The following C20orf203 variants were observed in gnomAD, a reference collection of about 807,000 sequenced individuals.
C20orf203 encodes the protein chromosome 20 open reading frame 203.
In C20orf203, 16 loss-of-function variants were observed where a neutral mutation model predicts 15.9. The observed-to-expected ratio is 1.01, with a 90% CI of 0.68 to 1.53. The LOEUF (loss-of-function observed/expected upper bound fraction) is 1.53, where lower values mean the gene tolerates loss of function less well. Among genes scored for constraint, C20orf203 ranks in the 40% most tolerant of loss-of-function variants. The pLI, the probability that C20orf203 is intolerant of heterozygous loss-of-function variation, is 0.00. For synonymous variants in C20orf203, 98 were observed against 97.2 expected (o/e 1.01, Z -0.05); for missense variants, 263 against 247.5 (o/e 1.06, Z -0.42).
At chr20:32,670,275 C>G (rs1412107424) in intron 1 of C20orf203, among the ~76,000 whole-genome samples, 2 of 151,248 alleles carry the variant, frequency 1.3e-5, no homozygotes, top group Non-Finnish European at 2.9e-5. Flanking sequence ...GAGCCTGAGG[C>G]GGGCGGATCA....
chr20:32,672,331 T>G (rs1251800900), intron 1 of C20orf203, among the ~76,000 whole-genome samples: 1 of 151,222 alleles, frequency 6.6e-6, no homozygotes, highest in African/African-American at 2.4e-5. Flanking sequence ...AATGCAAGAC[T>G]CTGTCTCAAA....
chr20:32,665,208 C>T (rs1982989597), intron 1 of C20orf203, among the ~76,000 whole-genome samples: 1 of 152,220 alleles, frequency 6.6e-6, no homozygotes, highest in Non-Finnish European at 1.5e-5. Flanking sequence ...GGATTCTGAT[C>T]ACCTACTCCT....
In C20orf203 at chr20:32,650,759, A is replaced by T; in HGVS notation, c.258T>A (p.Pro86=). The part of the protein sequence containing the change: ...PQPSHQRQPP[P]PQHPGPYQER... Reference sequence around the variant, plus strand: ...CCTGATAAGGGCCTGGGTGTTGCGGAGGAGGAGGCTGGCGCTGGTGGCTGG... The same window carrying T: ...CCTGATAAGGGCCTGGGTGTTGCGGTGGAGGAGGCTGGCGCTGGTGGCTGG... Residue 86 remains proline (P), a synonymous_variant, in exon 4 of 6, where the codon CCT becomes CCA. Coordinates refer to ENST00000608990, the MANE Select transcript of C20orf203 (RefSeq NM_182584.4). 1 of 1,523,960 alleles carries T rather than the reference A, an allele frequency of 6.6e-7. No homozygotes were observed. The highest frequency in any genetic ancestry group is 8.8e-7 in the Non-Finnish European group (1 of 1,132,972). The allele number at this position is 1,523,960 out of a possible 1,614,324, so 94.4% of individuals were successfully genotyped here.
At position 32,650,512 on chromosome 20, in the gene C20orf203, A is replaced by T; in HGVS notation, c.505T>A (p.Ser169Thr). 1 of 1,550,506 alleles carries T rather than the reference A, an allele frequency of 6.4e-7. No individual in the cohort carries two copies. The highest frequency in any genetic ancestry group is 8.7e-7 in the Non-Finnish European group (1 of 1,146,914). The change falls in exon 4 of 6, where the codon TCC becomes ACC. Residue 169 changes from serine (S) to threonine (T), a missense_variant. Ser to Thr is a moderately conservative substitution (Grantham distance 58). Transcript: ENST00000608990. ...GGTGCAGGCAACTTGCCTGGCAAGGATGGGAGGCAGAAGTCCTGGAAACAT... is the reference window on the plus strand; with the variant it reads ...GGTGCAGGCAACTTGCCTGGCAAGGTTGGGAGGCAGAAGTCCTGGAAACAT... Reference protein sequence around the residue: ...STCFQDFCLPSLPGKLPAPLI... With the variant: ...STCFQDFCLPTLPGKLPAPLI...
chr20:32,672,396 TATACATAC>T (rs201516797), intron 1 of C20orf203, among the ~76,000 whole-genome samples: 6 of 151,692 alleles, frequency 4.0e-5, no homozygotes, highest in Admixed American at 6.6e-5. Flanking sequence ...ACATATATAT[TATACATAC>T]ATACATACAT....
intron 1 of C20orf203, among the ~76,000 whole-genome samples, chr20:32,669,069 T>C (rs1568756874): frequency 2.0e-5 from 3 of 152,210 alleles, no homozygotes; most frequent in Non-Finnish European, 4.4e-5. Context: ...CCTTAGTGCA[T>C]GCAGAGAGTC....
At chr20:32,651,528 A>C (rs1007333829) in intron 2 of C20orf203, among the ~76,000 whole-genome samples, 1 of 152,168 alleles carries the variant, frequency 6.6e-6, no homozygotes, top group East Asian at 1.9e-4. Flanking sequence ...AAGGGAGCTC[A>C]TTGTCACATG....
chr20:32,650,433 T>C lies in C20orf203; in HGVS notation c.584A>G (p.Ter195TrpextTer67), dbSNP rs1222363083. ...GGGGTGGGGGCGCCCTGGGCTCGGC[T>C]AATTAAACAGCGACCGTGATGAATT... The part of the protein sequence containing the change: ...LSNSSRSLFN[*>W] Residue 195 changes from the stop codon to tryptophan, a stop_lost, in exon 4 of 6, where the codon TAG (stop) becomes TGG (tryptophan). Coordinates refer to ENST00000608990, the MANE Select transcript of C20orf203 (RefSeq NM_182584.4). The C allele has an allele frequency of 2.6e-6, 4 of 1,548,628 alleles. No homozygotes were observed. The highest frequency in any genetic ancestry group is 3.5e-6 in the Non-Finnish European group (4 of 1,145,656).
In C20orf203 at chr20:32,659,658, G is replaced by C. The variant is rs1200106510; in HGVS notation, c.-263-7677C>G. Among the ~76,000 whole-genome samples the C allele has an allele frequency of 2.0e-5, 3 of 152,210 alleles. No homozygotes were observed. In the East Asian group the frequency reaches 5.8e-4, roughly 29 times the overall value. On this transcript the variant is annotated intron_variant, in intron 1 of 5. Transcript: ENST00000608990. ...GTGAATTCTGCCAGGATCCCAGGAAGGGTGCCTTCCCTCATTTCCCAGATG... is the reference window on the plus strand; with the variant it reads ...GTGAATTCTGCCAGGATCCCAGGAACGGTGCCTTCCCTCATTTCCCAGATG...
intron 5 of C20orf203, among the ~76,000 whole-genome samples, chr20:32,638,828 C>A (rs756660500): frequency 1.3e-5 from 2 of 152,160 alleles, no homozygotes; most frequent in East Asian, 1.9e-4. Flanking sequence ...AAAGGGGGGG[C>A]GGGCAGCATC....
intron 5 of C20orf203, among the ~76,000 whole-genome samples, chr20:32,638,416 C>G (rs1207468619): frequency 6.6e-6 from 1 of 152,154 alleles, no homozygotes; most frequent in East Asian, 1.9e-4. Context: ...GCTGCTAACC[C>G]TGGTGCTGGA....
chr20:32,651,160 C>T lies in C20orf203; in HGVS notation c.-8G>A. 2.1e-6 allele frequency: 1 copy of T among 486,224 alleles called. No homozygotes were observed. Among genetic ancestry groups the T allele is most frequent in the Non-Finnish European group, 3.3e-6 (1 of 303,910 alleles). The allele number at this position is 486,224 out of a possible 1,614,324, so 30.1% of individuals were successfully genotyped here. ...GACAGGCCTAGGAAACATAGGAGAC[C>T]CTCTCTCTAAAAAAAAAAAAAAAAA... On this transcript the variant is annotated 5_prime_UTR_variant, in exon 3 of 6. Coordinates refer to ENST00000608990, the MANE Select transcript of C20orf203 (RefSeq NM_182584.4).
chr20:32,637,600 G>T (rs1408255261), intron 5 of C20orf203, among the ~76,000 whole-genome samples: 2 of 152,060 alleles, frequency 1.3e-5, no homozygotes, highest in African/African-American at 4.8e-5. Flanking sequence ...ATCACTGACT[G>T]ACATTCTCCA....
rs540811733 is a variant in C20orf203, at chr20:32,631,766, G to A, written c.*3804C>T. 3 of 152,384 alleles carry A rather than the reference G, an allele frequency of 2.0e-5. No homozygotes were observed. In the South Asian group the frequency reaches 6.2e-4, roughly 32 times the overall value. The allele number at this position is 152,384 out of a possible 1,614,324, so 9.4% of individuals were successfully genotyped here. ...CTGGCCACATGGCTGGGAGCCTGAA[G>A]CAGGGCTCAGTCTGGGCGCTCATAA... is the stretch of plus-strand genomic sequence containing the variant. On this transcript the variant is annotated 3_prime_UTR_variant, in exon 6 of 6. Coordinates refer to ENST00000608990, the MANE Select transcript of C20orf203 (RefSeq NM_182584.4).
At chr20:32,668,802 G>A (rs1323242937) in intron 1 of C20orf203, among the ~76,000 whole-genome samples, 1 of 152,052 alleles carries the variant, frequency 6.6e-6, no homozygotes, top group Non-Finnish European at 1.5e-5. Context: ...GGGTGACAGA[G>A]TAAGGCTCCG....
chr20:32,666,233 G>A (rs868703046), intron 1 of C20orf203, among the ~76,000 whole-genome samples: 4 of 151,634 alleles, frequency 2.6e-5, no homozygotes, highest in Non-Finnish European at 4.4e-5. Context: ...TTGGGAGGCC[G>A]AGGCAGGAGG....
At chr20:32,661,628 G>C (rs1448714273) in intron 1 of C20orf203, among the ~76,000 whole-genome samples, 1 of 152,158 alleles carries the variant, frequency 6.6e-6, no homozygotes, top group Non-Finnish European at 1.5e-5. Flanking sequence ...GAATTTGTCT[G>C]GGAGAGCAGG....
chr20:32,650,296 C>G lies in C20orf203; in HGVS notation c.*136G>C. On this transcript the variant is annotated 3_prime_UTR_variant, in exon 4 of 6. Transcript: ENST00000608990. The stretch of plus-strand genomic sequence containing the variant: ...GCCCAGAATCTCCTTGAGGTTTCAG[C>G]TGGGCGTGCCGGGCCCATCCCCCAC... The G allele has an allele frequency of 3.0e-6, 2 of 658,286 alleles. No homozygotes were observed. The highest frequency in any genetic ancestry group is 5.3e-6 in the Non-Finnish European group (2 of 379,178). 40.8% of individuals were successfully genotyped at this position (658,286 alleles called of 1,614,324 possible). A position where few individuals can be genotyped will look rare whatever the true frequency, so the allele number is the denominator to read the frequency against.
At chr20:32,662,380 T>A (rs1413950366) in intron 1 of C20orf203, among the ~76,000 whole-genome samples, 2 of 152,116 alleles carry the variant, frequency 1.3e-5, no homozygotes, top group South Asian at 4.1e-4. Flanking sequence ...GGCAGGCAGA[T>A]CACCTGAGGT....
Sources: allele counts gnomAD v4.1 joint callset (sites outside exome capture counted in the v4.1 genomes callset), GRCh38; gene constraint gnomAD v4.1.1; transcripts MANE v1.5; gene names NCBI Gene and HGNC (gene_info 2026-07-23, HGNC 2026-07-21).